The following SUGCT variants were observed in gnomAD, a reference collection of about 807,000 sequenced individuals.
The protein encoded by SUGCT is succinyl-CoA:glutarate-CoA transferase.
SUGCT carries 41 observed loss-of-function variants against 55.0 expected under a neutral mutation model. That is an observed-to-expected ratio of 0.74 (90% CI 0.58 to 0.97). The LOEUF (loss-of-function observed/expected upper bound fraction) is 0.97, where lower values mean the gene tolerates loss of function less well. SUGCT is among the 50% of genes least tolerant of loss of function. The probability of loss-of-function intolerance (pLI) is 0.00; values close to 1 mark genes in which losing one functional copy is unlikely to be tolerated. For missense variants in SUGCT, 568 were observed against 547.8 expected (o/e 1.04, Z -0.37); for synonymous variants, 187 against 200.4 (o/e 0.93, Z 0.56).
chr7:40,980,676 G>A, the SUGCT span, among the ~76,000 whole-genome samples: 1 of 152,160 alleles, frequency 6.6e-6, no homozygotes, highest in African/African-American at 2.4e-5. Context: ...TCCTAAGCAA[G>A]TGTAAAACCT....
chr7:40,749,495 C>T lies in SUGCT; in HGVS notation c.1151C>T (p.Pro384Leu). ...EHPTVGKISV[P>L]GPAVRYSKFK... The stretch of plus-strand genomic sequence containing the variant: ...CCAACTGTGGGGAAGATTTCCGTCC[C>T]AGGTCTGAAAAGTTTTGGTATTTTC... Residue 384 changes from proline (P) to leucine (L), a missense_variant and splice_region_variant, in exon 13 of 14, where the codon CCA (proline) becomes CTA (leucine). By Grantham distance (98) the Pro-to-Leu change is moderately conservative. Coordinates refer to ENST00000335693, the MANE Select transcript of SUGCT (RefSeq NM_001193313.2). The T allele has an allele frequency of 6.2e-7, 1 of 1,613,208 alleles. No homozygotes were observed. The highest frequency in any genetic ancestry group is 8.5e-7 in the Non-Finnish European group (1 of 1,179,234).
intron 12 of SUGCT, among the ~76,000 whole-genome samples, chr7:40,718,914 T>G (rs1449576839): frequency 6.6e-6 from 1 of 152,210 alleles, no homozygotes; most frequent in African/African-American, 2.4e-5. Flanking sequence ...TAAAAGCCAG[T>G]ATGAAAGTAG....
chr7:40,628,889 C>G (rs1309064973), intron 12 of SUGCT, among the ~76,000 whole-genome samples: 1 of 152,062 alleles, frequency 6.6e-6, no homozygotes, highest in South Asian at 2.1e-4. Context: ...TACAGGCGTG[C>G]ACCACCACAC....
At chr7:40,738,611 G>A (rs1415873852) in intron 12 of SUGCT, among the ~76,000 whole-genome samples, 2 of 152,138 alleles carry the variant, frequency 1.3e-5, no homozygotes, top group Non-Finnish European at 2.9e-5. Context: ...GTCACCTCAT[G>A]TCAATAAAAA....
intron 11 of SUGCT, among the ~76,000 whole-genome samples, chr7:40,462,886 CATA>C (rs893088825): frequency 4.6e-5 from 7 of 152,120 alleles, no homozygotes; most frequent in Admixed American, 1.3e-4. Flanking sequence ...CCATATTTTT[CATA>C]ATAACCACTT....
intron 1 of SUGCT, among the ~76,000 whole-genome samples, chr7:40,147,457 C>T (rs1788314940): frequency 1.3e-5 from 2 of 152,186 alleles, no homozygotes; most frequent in Non-Finnish European, 2.9e-5. Flanking sequence ...TCCCTAGTCC[C>T]GACTAAGGAA....
chr7:40,148,701 G>T (rs79077205), intron 1 of SUGCT, among the ~76,000 whole-genome samples: 5,684 of 152,168 alleles, frequency 0.037, 343 homozygotes, highest in African/African-American at 0.13. Flanking sequence ...CCCATGATGA[G>T]GTTTATGAGC....
At chr7:40,719,844 G>A (rs888044451) in intron 12 of SUGCT, among the ~76,000 whole-genome samples, 2 of 152,164 alleles carry the variant, frequency 1.3e-5, no homozygotes, top group Admixed American at 6.5e-5. Flanking sequence ...TCACCAGGCT[G>A]GCATGCAGTG....
intron 12 of SUGCT, among the ~76,000 whole-genome samples, chr7:40,553,342 A>C (rs1795398929): frequency 6.6e-6 from 1 of 152,200 alleles, no homozygotes; most frequent in African/African-American, 2.4e-5. Context: ...TTAGTTAGGA[A>C]AATGTATATG....
At chr7:40,440,774 A>C (rs1788471857) in intron 9 of SUGCT, among the ~76,000 whole-genome samples, 1 of 151,978 alleles carries the variant, frequency 6.6e-6, no homozygotes, top group African/African-American at 2.4e-5. Context: ...CTGAGGTTGG[A>C]GGATTGCTTG....
intron 7 of SUGCT, among the ~76,000 whole-genome samples, chr7:40,274,073 C>CTTTT (rs386409972): frequency 0.14 from 9,303 of 67,612 alleles, 1,105 homozygotes; most frequent in Middle Eastern, 0.27. Context: ...TTTTTACCTT[C>CTTTT]TTTTTTTTTT....
At chr7:40,695,473 C>T (rs1337059081) in intron 12 of SUGCT, among the ~76,000 whole-genome samples, 1 of 152,124 alleles carries the variant, frequency 6.6e-6, no homozygotes, top group African/African-American at 2.4e-5. Context: ...GTTGGGATTA[C>T]AGACATGAGT....
At chr7:40,797,931 C>A (rs1005121135) in intron 13 of SUGCT, among the ~76,000 whole-genome samples, 15 of 152,210 alleles carry the variant, frequency 9.9e-5, no homozygotes, top group Non-Finnish European at 1.8e-4. Context: ...CCAACTCATG[C>A]TGTATTGATT....
At chr7:40,247,322 C>G (rs112023742) in intron 7 of SUGCT, among the ~76,000 whole-genome samples, 5,403 of 152,206 alleles carry the variant, frequency 0.035, 135 homozygotes, top group Middle Eastern at 0.075. Context: ...GTGGCATGAT[C>G]TGAGCTCACT....
chr7:40,188,434 C>CCAAAAAAAAAAAAAAAAAAAAAAAAACAA, intron 3 of SUGCT, 61 bp from the exon 4 acceptor site: 1 of 507,806 alleles, frequency 2.0e-6, no homozygotes, highest in Non-Finnish European at 2.9e-6. Flanking sequence ...ACTCCATCTC[C>CCAAAAAAAAAAAAAAAAAAAAAAAAACAA]AAAAAAAAAA....
chr7:40,218,902 A>C (rs1385318742), intron 6 of SUGCT, among the ~76,000 whole-genome samples: 4 of 152,224 alleles, frequency 2.6e-5, no homozygotes, highest in Non-Finnish European at 4.4e-5. Flanking sequence ...ATAAGGGAAT[A>C]AAAGCTGGCC....
chr7:40,378,617 C>T (rs1025883434), intron 9 of SUGCT, among the ~76,000 whole-genome samples: 8 of 152,238 alleles, frequency 5.3e-5, no homozygotes, highest in African/African-American at 1.9e-4. Flanking sequence ...GGACTACAGG[C>T]ATGTGCCATC....
chr7:40,341,773 G>T (rs1797063432), intron 9 of SUGCT, among the ~76,000 whole-genome samples: 1 of 152,214 alleles, frequency 6.6e-6, no homozygotes, highest in Admixed American at 6.5e-5. Flanking sequence ...CAGGAAAGGA[G>T]TTCAGAGGCA....
intron 12 of SUGCT, chr7:40,683,930 A>G: frequency 7.3e-7 from 1 of 1,363,896 alleles, no homozygotes; most frequent in Middle Eastern, 2.0e-4. Flanking sequence ...AGGTGCTGGC[A>G]GATGTATTCC....
Sources: gnomAD v4.1 joint callset for allele counts (sites outside exome capture counted in the v4.1 genomes callset) on GRCh38, gnomAD v4.1.1 for gene constraint, MANE v1.5 for transcripts, NCBI Gene and HGNC (gene_info 2026-07-23, HGNC 2026-07-21) for gene names.